The following CACNA2D1 variants were observed in gnomAD, a reference collection of about 807,000 sequenced individuals.
CACNA2D1 encodes voltage-dependent calcium channel subunit alpha-2/delta-1.
CACNA2D1 carries 53 observed loss-of-function variants against 171.5 expected under a neutral mutation model. The observed-to-expected ratio is 0.31, with a 90% CI of 0.25 to 0.39. CACNA2D1 has a LOEUF of 0.39. CACNA2D1 is among the 10% of genes least tolerant of loss of function. The probability of loss-of-function intolerance (pLI) is 1.00; values close to 1 mark genes in which losing one functional copy is unlikely to be tolerated. For synonymous variants in CACNA2D1, 442 were observed against 443.1 expected (o/e 1.00, Z 0.03); for missense variants, 903 against 1,299.8 (o/e 0.69, Z 4.69).
intron 6 of CACNA2D1, among the ~76,000 whole-genome samples, chr7:82,109,908 T>C (rs1019729708): frequency 6.6e-6 from 1 of 152,162 alleles, no homozygotes; most frequent in Non-Finnish European, 1.5e-5. Context: ...TCCACTTCTG[T>C]TAGGTTCTAT....
chr7:81,963,254 AATGATAT>A (rs1794352191), intron 34 of CACNA2D1, among the ~76,000 whole-genome samples: 1 of 151,962 alleles, frequency 6.6e-6, no homozygotes, highest in Admixed American at 6.6e-5. Context: ...TTGCTGCTTT[AATGATAT>A]AGTCACTTAA....
chr7:82,253,093 G>A (rs963666615), intron 3 of CACNA2D1, among the ~76,000 whole-genome samples: 1 of 152,186 alleles, frequency 6.6e-6, no homozygotes, highest in East Asian at 1.9e-4. Flanking sequence ...AAATGGAAGT[G>A]TGAGTGGATT....
At chr7:82,390,297 C>T (rs959308709) in intron 1 of CACNA2D1, among the ~76,000 whole-genome samples, 4 of 152,020 alleles carry the variant, frequency 2.6e-5, no homozygotes, top group Non-Finnish European at 2.9e-5. Context: ...AAACCTCTGA[C>T]GTGATCATTA....
chr7:82,180,966 A>C (rs1797064491), intron 3 of CACNA2D1, among the ~76,000 whole-genome samples: 1 of 146,084 alleles, frequency 6.8e-6, no homozygotes, highest in South Asian at 2.3e-4. Context: ...AACATGCCAG[A>C]AGGGGGAACT....
chr7:82,390,243 C>T (rs1824945941), intron 1 of CACNA2D1, among the ~76,000 whole-genome samples: 1 of 152,098 alleles, frequency 6.6e-6, no homozygotes, highest in Non-Finnish European at 1.5e-5. Flanking sequence ...GAGTCAATAA[C>T]GTATCTGTGT....
chr7:82,324,916 T>C (rs1014375732), intron 3 of CACNA2D1, among the ~76,000 whole-genome samples: 2 of 152,146 alleles, frequency 1.3e-5, no homozygotes, highest in African/African-American at 4.8e-5. Flanking sequence ...CGTGGACAAA[T>C]GTTATAAACC....
At chr7:82,260,323 C>G (rs1806908255) in intron 3 of CACNA2D1, among the ~76,000 whole-genome samples, 1 of 152,032 alleles carries the variant, frequency 6.6e-6, no homozygotes, top group African/African-American at 2.4e-5. Flanking sequence ...TCATCAACAC[C>G]GTTATTGATA....
chr7:82,301,342 T>C (rs961841037), intron 3 of CACNA2D1, among the ~76,000 whole-genome samples: 1 of 152,126 alleles, frequency 6.6e-6, no homozygotes, highest in Non-Finnish European at 1.5e-5. Flanking sequence ...GTCAGGCTGG[T>C]CTTGAACTCC....
intron 3 of CACNA2D1, among the ~76,000 whole-genome samples, chr7:82,230,556 G>A (rs182546197): frequency 1.3e-4 from 20 of 152,100 alleles, no homozygotes; most frequent in Admixed American, 8.5e-4. Context: ...AAAAAAACGC[G>A]CAAGAATCAT....
rs114078579 is a variant in CACNA2D1, at chr7:82,224,585, A to T, written c.295-53976T>A. ...CAACACAGCGAGACTCCGACTCGAA[A>T]AAAAAAGAAAAAAGAAATAAGACAG... is the stretch of plus-strand genomic sequence containing the variant. On this transcript the variant is annotated intron_variant, in intron 3 of 38. Coordinates refer to ENST00000356860, the MANE Select transcript of CACNA2D1 (RefSeq NM_000722.4). Among the ~76,000 whole-genome samples, 1,471 of 152,298 alleles carry T rather than the reference A, an allele frequency of 9.7e-3. 22 individuals are homozygous for T. Among genetic ancestry groups the T allele is most frequent in the African/African-American group, 0.034 (1,401 of 41,572 alleles).
intron 4 of CACNA2D1, among the ~76,000 whole-genome samples, chr7:82,165,831 A>G (rs1182256699): frequency 6.6e-6 from 1 of 152,082 alleles, no homozygotes; most frequent in Non-Finnish European, 1.5e-5. Context: ...TGTTTCAACC[A>G]AAGGTGGAAA....
chr7:82,404,867 G>T (rs1457920241), intron 1 of CACNA2D1, among the ~76,000 whole-genome samples: 1 of 152,180 alleles, frequency 6.6e-6, no homozygotes, highest in Non-Finnish European at 1.5e-5. Context: ...TTAGGGTTAG[G>T]TTTCAGCATT....
rs140036395 is a variant in CACNA2D1 at position 82,291,307 on chromosome 7, T to G, written c.294+43828A>C. 3.8e-3 allele frequency among the ~76,000 whole-genome samples: 543 copies of G among 141,460 alleles called. 14 individuals are homozygous for G. The East Asian group carries it at 0.059, about 15-fold the overall frequency. 92.8% of individuals were successfully genotyped at this position (141,460 alleles called of 152,430 possible). A position where few individuals can be genotyped will look rare whatever the true frequency, so the allele number is the denominator to read the frequency against. On this transcript the variant is annotated intron_variant, in intron 3 of 38. Transcript: ENST00000356860. ...TCCTTTATATATAGTATATATAATA[T>G]ATAAATATACATCTATTTAGATATA...
At chr7:82,217,828 C>G (rs1490129014) in intron 3 of CACNA2D1, among the ~76,000 whole-genome samples, 2 of 151,474 alleles carry the variant, frequency 1.3e-5, no homozygotes, top group Non-Finnish European at 2.9e-5. Flanking sequence ...CTGTCACCAT[C>G]ATCATCAGTG....
intron 1 of CACNA2D1, among the ~76,000 whole-genome samples, chr7:82,434,153 T>C (rs971625461): frequency 1.3e-5 from 2 of 152,130 alleles, no homozygotes; most frequent in African/African-American, 4.8e-5. Context: ...ACTTGAGAGA[T>C]TATCATGATA....
intron 3 of CACNA2D1, among the ~76,000 whole-genome samples, chr7:82,248,117 C>T (rs1482917189): frequency 6.6e-6 from 1 of 152,078 alleles, no homozygotes; most frequent in Non-Finnish European, 1.5e-5. Flanking sequence ...TTTTAAGTTG[C>T]CATAGGTCAC....
rs188208572 is a variant in CACNA2D1, at chr7:82,119,238, C to A, written c.397-2065G>T. Among the ~76,000 whole-genome samples the A allele has an allele frequency of 6.2e-3, 942 of 152,208 alleles. 11 individuals carry two copies. Among genetic ancestry groups the A allele is most frequent in the African/African-American group, 0.022 (904 of 41,548 alleles). ...AAATATATCTTCTGAAGTCTACAGACCACCATATACAAATGTGTACAGAGA... is the reference window on the plus strand; with the variant it reads ...AAATATATCTTCTGAAGTCTACAGAACACCATATACAAATGTGTACAGAGA... On this transcript the variant is annotated intron_variant, in intron 5 of 38. Transcript: ENST00000356860.
At chr7:82,387,161 C>T (rs1259310807) in intron 1 of CACNA2D1, among the ~76,000 whole-genome samples, 1 of 152,006 alleles carries the variant, frequency 6.6e-6, no homozygotes, top group African/African-American at 2.4e-5. Context: ...ACTATGATGG[C>T]TGGTAAATTA....
chr7:82,135,978 C>A (rs1445119905), intron 5 of CACNA2D1, among the ~76,000 whole-genome samples: 4 of 151,938 alleles, frequency 2.6e-5, no homozygotes, highest in Admixed American at 1.3e-4. Context: ...TAAGTGTAAC[C>A]TTTATTAGAT....
Sources: gnomAD v4.1 joint callset for allele counts (sites outside exome capture counted in the v4.1 genomes callset) on GRCh38, gnomAD v4.1.1 for gene constraint, MANE v1.5 for transcripts, NCBI Gene and HGNC (gene_info 2026-07-23, HGNC 2026-07-21) for gene names.